The following JMJD1C variants were observed in gnomAD, a reference collection of about 807,000 sequenced individuals.
JMJD1C encodes the protein jumonji domain containing 1C.
Under a neutral mutation model 245.3 loss-of-function variants are expected in JMJD1C, and 31 were observed. That is an observed-to-expected ratio of 0.13 (90% CI 0.09 to 0.17). The LOEUF (loss-of-function observed/expected upper bound fraction) is 0.17, where lower values mean the gene tolerates loss of function less well. JMJD1C is among the 10% of genes least tolerant of loss of function. The pLI is 1.00. For synonymous variants in JMJD1C, 1,057 were observed against 1,017.4 expected (o/e 1.04, Z -0.74); for missense variants, 2,691 against 3,000.2 (o/e 0.90, Z 2.41).
At chr10:63,244,415 A>T (rs995269355) in intron 3 of JMJD1C, among the ~76,000 whole-genome samples, 3 of 152,182 alleles carry the variant, frequency 2.0e-5, no homozygotes, top group Non-Finnish European at 4.4e-5. Flanking sequence ...TAAATTATTT[A>T]AAAAGTCTAA....
chr10:63,174,147 TCATA>T (rs959248455), intron 24 of JMJD1C, among the ~76,000 whole-genome samples: 2 of 152,210 alleles, frequency 1.3e-5, no homozygotes, highest in African/African-American at 4.8e-5. Context: ...TTAAATTTAA[TCATA>T]CATTATAGTA....
Position 63,438,945 on chromosome 10 carries a change from C to G in JMJD1C, c.168+26550G>C, listed in dbSNP as rs144169917. The stretch of plus-strand genomic sequence containing the variant: ...ACTCATTTATCTTCTTATCTTTTGT[C>G]TCTCCTTCCATAAACTGATTTCCAT... On this transcript the variant is annotated intron_variant, in intron 1 of 25. Coordinates refer to ENST00000399262, the MANE Select transcript of JMJD1C (RefSeq NM_032776.3). Among the ~76,000 whole-genome samples the G allele has an allele frequency of 1.6e-3, 237 of 152,286 alleles. 1 individual carries two copies. The highest frequency in any genetic ancestry group is 5.5e-3 in the African/African-American group (227 of 41,566).
intron 2 of JMJD1C, among the ~76,000 whole-genome samples, chr10:63,300,867 G>A (rs189691813): frequency 1.2e-3 from 181 of 149,550 alleles, no homozygotes; most frequent in East Asian, 4.5e-3. Context: ...ACTCTGGCTT[G>A]GGCAACAGAT....
chr10:63,463,388 A>G (rs1347484877), intron 1 of JMJD1C, among the ~76,000 whole-genome samples: 1 of 152,054 alleles, frequency 6.6e-6, no homozygotes, highest in African/African-American at 2.4e-5. Flanking sequence ...GCTAGTCTCA[A>G]AACTCCTGCG....
intron 1 of JMJD1C, among the ~76,000 whole-genome samples, chr10:63,449,766 A>G (rs1951926133): frequency 6.6e-6 from 1 of 152,298 alleles, no homozygotes; most frequent in South Asian, 2.1e-4. Flanking sequence ...GTGCAGACTC[A>G]GTAATGAAAA....
chr10:63,316,925 G>C (rs1331438696), intron 2 of JMJD1C, among the ~76,000 whole-genome samples: 2 of 152,014 alleles, frequency 1.3e-5, no homozygotes, highest in Non-Finnish European at 2.9e-5. Flanking sequence ...CAGGATCTTG[G>C]CTTGGCTCAC....
At chr10:63,458,223 A>G (rs1473852313) in intron 1 of JMJD1C, among the ~76,000 whole-genome samples, 1 of 152,096 alleles carries the variant, frequency 6.6e-6, no homozygotes, top group Non-Finnish European at 1.5e-5. Flanking sequence ...CATGGCTCAC[A>G]CCTCTAATCC....
At chr10:63,264,358 C>T (rs1195907965) in intron 3 of JMJD1C, among the ~76,000 whole-genome samples, 1 of 151,984 alleles carries the variant, frequency 6.6e-6, no homozygotes, top group African/African-American at 2.4e-5. Flanking sequence ...AATATTTAAC[C>T]AATTATTTTC....
At chr10:63,505,627 C>T (rs927505199) in intron 1 of JMJD1C, among the ~76,000 whole-genome samples, 3 of 151,706 alleles carry the variant, frequency 2.0e-5, no homozygotes, top group Non-Finnish European at 2.9e-5. Flanking sequence ...TGGGTCCTAC[C>T]CAGAGATTCT....
At chr10:63,314,474 C>G (rs1939663102) in intron 2 of JMJD1C, among the ~76,000 whole-genome samples, 1 of 152,202 alleles carries the variant, frequency 6.6e-6, no homozygotes, top group Non-Finnish European at 1.5e-5. Context: ...GTGGGAGAAT[C>G]ACCTGAGCAA....
At chr10:63,399,865 C>T (rs1948744265) in intron 1 of JMJD1C, among the ~76,000 whole-genome samples, 1 of 151,230 alleles carries the variant, frequency 6.6e-6, no homozygotes, top group Admixed American at 6.6e-5. Flanking sequence ...AAGGTATATT[C>T]GGAGAATTCT....
intron 10 of JMJD1C, chr10:63,203,344 GA>G (rs1846236249): frequency 3.3e-5 from 32 of 984,128 alleles, no homozygotes; most frequent in Non-Finnish European, 3.9e-5. Context: ...TAACTCAATG[GA>G]TACTTCTTCA....
intron 1 of JMJD1C, among the ~76,000 whole-genome samples, chr10:63,472,017 C>T (rs182456145): frequency 1.3e-5 from 2 of 152,116 alleles, no homozygotes; most frequent in Admixed American, 1.3e-4. Flanking sequence ...GAAGCCTGGG[C>T]GACAGAGTGA....
intron 3 of JMJD1C, among the ~76,000 whole-genome samples, chr10:63,243,353 C>T (rs2133534484): frequency 6.6e-6 from 1 of 151,602 alleles, no homozygotes; most frequent in Admixed American, 6.6e-5. Context: ...ATGGAGAAGC[C>T]CCATCTCTAC....
chr10:63,412,205 G>A (rs1304824489), intron 1 of JMJD1C, among the ~76,000 whole-genome samples: 1 of 152,112 alleles, frequency 6.6e-6, no homozygotes, highest in Non-Finnish European at 1.5e-5. Context: ...ATAGCCTACT[G>A]TTGACCGGAA....
intron 3 of JMJD1C, among the ~76,000 whole-genome samples, chr10:63,238,997 G>A (rs1303522006): frequency 6.6e-6 from 1 of 152,104 alleles, no homozygotes; most frequent in African/African-American, 2.4e-5. Context: ...ACAAAGGTGA[G>A]ACAAAATGGG....
intron 3 of JMJD1C, among the ~76,000 whole-genome samples, chr10:63,226,937 G>A (rs994589705): frequency 6.6e-6 from 1 of 151,886 alleles, no homozygotes; most frequent in Non-Finnish European, 1.5e-5. Flanking sequence ...GTGTAGTGGT[G>A]CGCATCTATA....
chr10:63,490,198 T>C (rs1209110952), intron 1 of JMJD1C, among the ~76,000 whole-genome samples: 1 of 152,176 alleles, frequency 6.6e-6, no homozygotes, highest in Admixed American at 6.5e-5. Flanking sequence ...GTCTCCAACC[T>C]GAGCCTTGCA....
At chr10:63,203,436 G>A (rs1408000625) in intron 10 of JMJD1C, 2 of 985,208 alleles carry the variant, frequency 2.0e-6, no homozygotes, top group Non-Finnish European at 2.4e-6. Context: ...AAGAAAGTAA[G>A]AGACAAATAC....
Sources: allele counts gnomAD v4.1 joint callset (sites outside exome capture counted in the v4.1 genomes callset), GRCh38; gene constraint gnomAD v4.1.1; transcripts MANE v1.5; gene names NCBI Gene and HGNC (gene_info 2026-07-23, HGNC 2026-07-21).